TNS3: variants seen among roughly 807,000 people sequenced by gnomAD.
TNS3 encodes tensin-3.
TNS3 carries 45 observed loss-of-function variants against 140.9 expected under a neutral mutation model. The ratio of observed to expected loss-of-function variants is 0.32; its 90% CI spans 0.25 to 0.41. The LOEUF (loss-of-function observed/expected upper bound fraction) is 0.41. Ranked by LOEUF, TNS3 falls within the 10% of genes least tolerant of loss-of-function variation. TNS3 has a pLI of 1.00. For synonymous variants in TNS3, 815 were observed against 788.4 expected, an observed-to-expected ratio of 1.03 and a Z score of -0.56; for missense variants, 1,716 against 1,906.7, an observed-to-expected ratio of 0.90 and a Z score of 1.86.
At chr7:47,306,965 G>A (rs748154943) in intron 20 of TNS3, among the ~76,000 whole-genome samples, 2 of 152,084 alleles carry the variant, frequency 1.3e-5, no homozygotes, top group African/African-American at 2.4e-5. Context: ...ATAGACCTTG[G>A]TAGAGAAAAA....
rs370345648 is a variant in TNS3 at position 47,277,394 on chromosome 7, A to G, written c.*682T>C. The G allele has an allele frequency of 1.3e-5, 2 of 152,140 alleles. No individual in the cohort carries two copies. The highest frequency in any genetic ancestry group is 4.8e-5 in the African/African-American group (2 of 41,306). 9.4% of individuals were successfully genotyped at this position (152,140 alleles called of 1,614,324 possible). On this transcript the variant is annotated 3_prime_UTR_variant, in exon 31 of 31. Coordinates refer to ENST00000311160, the MANE Select transcript of TNS3 (RefSeq NM_022748.12). ...GCTCGCCCAGCTCGCCCAGCTCACC[A>G]CAGGTGAGCAGGAGGCACAGAGCAC...
At chr7:47,551,813 G>A (rs1319138623) in intron 1 of TNS3, among the ~76,000 whole-genome samples, 1 of 152,176 alleles carries the variant, frequency 6.6e-6, no homozygotes, top group Non-Finnish European at 1.5e-5. Flanking sequence ...ATGGAAGTAT[G>A]GCTGTTATCA....
chr7:47,520,611 T>C (rs898857643), intron 2 of TNS3, among the ~76,000 whole-genome samples: 11 of 152,222 alleles, frequency 7.2e-5, no homozygotes, highest in African/African-American at 2.7e-4. Context: ...AAAGTCCGTG[T>C]GGAGGCGGCT....
intron 4 of TNS3, among the ~76,000 whole-genome samples, chr7:47,467,897 T>C (rs140611117): frequency 9.2e-4 from 140 of 152,322 alleles, no homozygotes; most frequent in Non-Finnish European, 1.7e-3. Context: ...GTTGGAGATG[T>C]TGTTGTGTGT....
intron 20 of TNS3, among the ~76,000 whole-genome samples, chr7:47,335,317 A>T (rs1283774695): frequency 6.6e-6 from 1 of 152,224 alleles, no homozygotes; most frequent in African/African-American, 2.4e-5. Flanking sequence ...AGCTGGAGGC[A>T]TTACATCAGT....
chr7:47,581,847 C>T (rs1307607774), intron 1 of TNS3, among the ~76,000 whole-genome samples: 1 of 151,666 alleles, frequency 6.6e-6, no homozygotes, highest in Non-Finnish European at 1.5e-5. Context: ...CCCGTGACCC[C>T]ATCCCCGCGC....
Position 47,292,018 on chromosome 7 carries a change from T to C in TNS3, c.3865A>G (p.Ile1289Val). 1 of 1,614,166 alleles carries C rather than the reference T, an allele frequency of 6.2e-7. No homozygotes were observed. The highest frequency in any genetic ancestry group is 8.5e-7 in the Non-Finnish European group (1 of 1,180,024). ...LIPERDPLEE[I>V]AESSPQTAAN... ...GCCGTCTGGGGAGAACTTTCTGCTATTTCCTCCAATGGATCTGTAGGAAGG... is the reference window on the plus strand; with the variant it reads ...GCCGTCTGGGGAGAACTTTCTGCTACTTCCTCCAATGGATCTGTAGGAAGG... The change falls in exon 27 of 31, where the codon ATA becomes GTA. Residue 1289 changes from isoleucine (I) to valine (V), a missense_variant. Physicochemically the swap from Ile to Val is conservative, Grantham distance 29 (BLOSUM62 3). Transcript: ENST00000311160.
intron 1 of TNS3, among the ~76,000 whole-genome samples, chr7:47,540,716 C>G (rs1318829473): frequency 6.6e-6 from 1 of 152,174 alleles, no homozygotes; most frequent in South Asian, 2.1e-4. Flanking sequence ...CAGACACTTT[C>G]CAGACAGGAA....
intron 20 of TNS3, among the ~76,000 whole-genome samples, chr7:47,317,619 C>T (rs970698438): frequency 6.6e-6 from 1 of 152,128 alleles, no homozygotes; most frequent in Non-Finnish European, 1.5e-5. Context: ...CCCTTAGCAA[C>T]CTACAAGGGA....
At chr7:47,416,625 C>T (rs1172988905) in intron 10 of TNS3, among the ~76,000 whole-genome samples, 1 of 152,110 alleles carries the variant, frequency 6.6e-6, no homozygotes, top group South Asian at 2.1e-4. Context: ...AGCCTGGAGA[C>T]GTGGGGACCC....
At chr7:47,475,161 C>A (rs1034323844) in intron 4 of TNS3, among the ~76,000 whole-genome samples, 1 of 152,204 alleles carries the variant, frequency 6.6e-6, no homozygotes, top group Non-Finnish European at 1.5e-5. Flanking sequence ...CACAGACACA[C>A]GCATCTTGCA....
At position 47,298,821 on chromosome 7, in the gene TNS3, G is replaced by C. The variant is rs6978716; in HGVS notation, c.3545-1608C>G. Among the ~76,000 whole-genome samples the C allele has an allele frequency of 6.5e-3, 996 of 152,366 alleles. 11 individuals carry two copies. Among genetic ancestry groups the C allele is most frequent in the African/African-American group, 0.023 (947 of 41,588 alleles). On this transcript the variant is annotated intron_variant, in intron 23 of 30. Coordinates refer to ENST00000311160, the MANE Select transcript of TNS3 (RefSeq NM_022748.12). ...TTCTTTTACACATTTTTCAATGTCT[G>C]CACCGTGGCCCTGTGCACAGGATGA... is the stretch of plus-strand genomic sequence containing the variant.
intron 2 of TNS3, among the ~76,000 whole-genome samples, chr7:47,526,086 G>C (rs565391006): frequency 6.6e-6 from 1 of 152,352 alleles, no homozygotes; most frequent in Admixed American, 6.5e-5. Flanking sequence ...TGGAGGCCGT[G>C]CTTTCTCCAA....
chr7:47,556,767 C>T (rs1047780876), intron 1 of TNS3, among the ~76,000 whole-genome samples: 2 of 152,234 alleles, frequency 1.3e-5, no homozygotes, highest in South Asian at 2.1e-4. Context: ...CCAGGCCAGA[C>T]GCTGCCCGCT....
chr7:47,293,256 T>A (rs1281449962), intron 25 of TNS3, among the ~76,000 whole-genome samples: 1 of 152,252 alleles, frequency 6.6e-6, no homozygotes, highest in Non-Finnish European at 1.5e-5. Context: ...CAATGCTTCT[T>A]AACAAAGCTC....
chr7:47,430,349 C>G (rs555969475), intron 8 of TNS3, among the ~76,000 whole-genome samples: 116 of 152,172 alleles, frequency 7.6e-4, no homozygotes, highest in Non-Finnish European at 1.3e-3. Flanking sequence ...AGGCTGATCT[C>G]GAACTCCCGA....
intron 1 of TNS3, among the ~76,000 whole-genome samples, chr7:47,543,742 T>G (rs1584840318): frequency 6.6e-6 from 1 of 152,272 alleles, no homozygotes; most frequent in East Asian, 1.9e-4. Flanking sequence ...TTCCACCAGG[T>G]TAACCAAAAC....
intron 16 of TNS3, among the ~76,000 whole-genome samples, chr7:47,391,578 G>A (rs1001948486): frequency 9.2e-5 from 14 of 152,298 alleles, no homozygotes; most frequent in African/African-American, 3.1e-4. Context: ...TGACACCGAC[G>A]CTCCAGAGAT....
intron 4 of TNS3, among the ~76,000 whole-genome samples, chr7:47,465,259 A>G (rs1046051038): frequency 2.6e-5 from 4 of 152,230 alleles, no homozygotes; most frequent in African/African-American, 9.6e-5. Flanking sequence ...CTGAGGGGCT[A>G]TCACCCAGAT....
Sources: allele counts gnomAD v4.1 joint callset (sites outside exome capture counted in the v4.1 genomes callset), GRCh38; gene constraint gnomAD v4.1.1; transcripts MANE v1.5; gene names NCBI Gene and HGNC (gene_info 2026-07-23, HGNC 2026-07-21).